Variants in CRTC3 observed in about 807,000 individuals in gnomAD.
CRTC3 encodes CREB regulated transcription coactivator 3, also known as CREB-regulated transcription coactivator 3.
In CRTC3, 26 loss-of-function variants were observed where a neutral mutation model predicts 74.5. That is an observed-to-expected ratio of 0.35 (90% CI 0.26 to 0.48). The LOEUF (loss-of-function observed/expected upper bound fraction) is 0.48, where lower values mean the gene tolerates loss of function less well. Ranked by LOEUF, CRTC3 falls within the 20% of genes least tolerant of loss-of-function variation. The probability of loss-of-function intolerance (pLI) is 0.99; values close to 1 mark genes in which losing one functional copy is unlikely to be tolerated. For synonymous variants in CRTC3, 377 were observed against 325.8 expected (o/e 1.16, Z -1.69); for missense variants, 760 against 787.3 (o/e 0.97, Z 0.41).
chr15:90,642,116 G>C lies in CRTC3; in HGVS notation c.1836G>C (p.Glu612Asp). The C allele has an allele frequency of 1.2e-6, 2 of 1,614,048 alleles. No homozygotes were observed. ...SMGLLDPSVE[E>D]TFRADRL is the part of the protein sequence containing the mutation. Reference sequence around the variant, plus strand: ...GCCTGCTGGACCCCTCTGTTGAAGAGACGTTTCGAGCTGACAGACTGTGAA... The same window carrying C: ...GCCTGCTGGACCCCTCTGTTGAAGACACGTTTCGAGCTGACAGACTGTGAA... Residue 612 changes from glutamate to aspartate, a missense_variant, in exon 15 of 15, where the codon GAG becomes GAC. Coordinates refer to ENST00000268184, the MANE Select transcript of CRTC3 (RefSeq NM_022769.5).
rs193921108 is a variant in CRTC3, at chr15:90,638,566, C to G, written c.1387C>G (p.Arg463Gly). The change falls in exon 12 of 15, where the codon CGC becomes GGC. Residue 463 changes from arginine (R) to glycine (G), a missense_variant. Around this residue, in one of 2 missense-constraint regions of CRTC3, gnomAD observed 652 missense variants for 635.2 expected, o/e 1.03. Transcript: ENST00000268184. ...CACCCAGCCCCTCCTGCAGCAGCCC[C>G]GCGCCCCTGAGGCCCCTGCCCAGCA... ...ELTQPLLQQP[R>G]APEAPAQQPQ... The G allele has an allele frequency of 6.2e-7, 1 of 1,613,144 alleles. No homozygotes were observed. The highest frequency in any genetic ancestry group is 8.5e-7 in the Non-Finnish European group (1 of 1,179,906).
At chr15:90,551,944 GCACA>G (rs5814439) in intron 2 of CRTC3, among the ~76,000 whole-genome samples, 50,525 of 129,186 alleles carry the variant, frequency 0.39, 10,989 homozygotes, top group Non-Finnish European at 0.49. Flanking sequence ...ACACACACAC[GCACA>G]CACACACACA....
chr15:90,627,133 CA>C (rs1037669985), intron 10 of CRTC3, among the ~76,000 whole-genome samples: 1 of 152,236 alleles, frequency 6.6e-6, no homozygotes, highest in Non-Finnish European at 1.5e-5. Context: ...TGGTCCCCTT[CA>C]GGGGGGGTCA....
At chr15:90,570,390 C>A (rs569139476) in intron 2 of CRTC3, among the ~76,000 whole-genome samples, 4 of 152,096 alleles carry the variant, frequency 2.6e-5, no homozygotes, top group African/African-American at 9.7e-5. Flanking sequence ...CTCTCAAATT[C>A]TTGAGTTTCT....
intron 6 of CRTC3, among the ~76,000 whole-genome samples, chr15:90,612,012 C>T (rs548659134): frequency 6.8e-6 from 1 of 147,876 alleles, no homozygotes; most frequent in East Asian, 2.0e-4. Context: ...CTTATCCTTC[C>T]CCAACCACCC....
At chr15:90,549,984 G>A (rs553139585) in intron 2 of CRTC3, among the ~76,000 whole-genome samples, 7 of 151,214 alleles carry the variant, frequency 4.6e-5, no homozygotes, top group East Asian at 2.0e-4. Context: ...GATTACAGGC[G>A]TGAGCCACCA....
At position 90,643,982 on chromosome 15, in the gene CRTC3, T is replaced by C. The variant is rs1044037625; in HGVS notation, c.*1842T>C. The C allele has an allele frequency of 1.7e-5, 4 of 232,200 alleles. No homozygotes were observed. The highest frequency in any genetic ancestry group is 2.6e-5 in the Non-Finnish European group (3 of 117,452). 14.4% of individuals were successfully genotyped at this position (232,200 alleles called of 1,614,324 possible). On this transcript the variant is annotated 3_prime_UTR_variant, in exon 15 of 15. Coordinates refer to ENST00000268184, the MANE Select transcript of CRTC3 (RefSeq NM_022769.5). ...GGCTGGTTAGCCTCTCCCGACCTCA[T>C]TCCATTTCTATCTTCTGACCTTGCC...
intron 1 of CRTC3, chr15:90,539,676 A>G (rs1364505983): frequency 3.8e-6 from 1 of 263,354 alleles, no homozygotes; most frequent in East Asian, 1.5e-4. Context: ...AAAGAGCATG[A>G]AGAAGGGAAA....
chr15:90,561,027 C>G (rs1967000082), intron 2 of CRTC3, among the ~76,000 whole-genome samples: 1 of 152,208 alleles, frequency 6.6e-6, no homozygotes, highest in Admixed American at 6.5e-5. Flanking sequence ...GAGTGGGGAT[C>G]TGGTGACCAC....
intron 6 of CRTC3, among the ~76,000 whole-genome samples, chr15:90,612,078 C>T (rs1968375187): frequency 6.9e-6 from 1 of 144,744 alleles, no homozygotes; most frequent in Non-Finnish European, 1.5e-5. Flanking sequence ...CCTCCTCCTC[C>T]TCCGCCTCCT....
chr15:90,598,933 G>A lies in CRTC3; in HGVS notation c.352-3391G>A, dbSNP rs1028098578. 5 of 177,410 alleles carry A rather than the reference G, an allele frequency of 2.8e-5. 1 individual carries two copies. In the South Asian group the frequency reaches 4.6e-4, roughly 16 times the overall value. 11.0% of individuals were successfully genotyped at this position (177,410 alleles called of 1,614,324 possible). On this transcript the variant is annotated intron_variant, in intron 3 of 14. Transcript: ENST00000268184. ...AAAGCTCCTGTGCCCGGAGGCTCCC[G>A]CCACCCCCTCCACCTGCTCACACTC...
rs536000174 is a variant in CRTC3, at chr15:90,549,953, C to A, written c.231+9816C>A. ...TCCTGACCTCAGGTGATTTGCCCGC[C>A]CTGGCCTCCCAAAGTGCTGGGATTA... On this transcript the variant is annotated intron_variant, in intron 2 of 14. Coordinates refer to ENST00000268184, the MANE Select transcript of CRTC3 (RefSeq NM_022769.5). Among the ~76,000 whole-genome samples the A allele has an allele frequency of 2.6e-5, 4 of 151,032 alleles. No individual in the cohort carries two copies. The South Asian group carries it at 8.3e-4, about 31-fold the overall frequency.
At chr15:90,546,239 G>A (rs1966844094) in intron 2 of CRTC3, among the ~76,000 whole-genome samples, 1 of 152,132 alleles carries the variant, frequency 6.6e-6, no homozygotes. Flanking sequence ...GTTTGGGTTT[G>A]AGGCTCACTC....
intron 2 of CRTC3, among the ~76,000 whole-genome samples, chr15:90,548,737 T>C (rs1280611323): frequency 6.6e-6 from 1 of 152,256 alleles, no homozygotes; most frequent in Non-Finnish European, 1.5e-5. Context: ...TAGATGGTAA[T>C]TGTCATAGCA....
intron 11 of CRTC3, among the ~76,000 whole-genome samples, chr15:90,635,865 C>T (rs1596149364): frequency 1.3e-5 from 2 of 152,030 alleles, no homozygotes; most frequent in Non-Finnish European, 2.9e-5. Context: ...TGAAGGACCT[C>T]TTCAAGGAGA....
Position 90,644,461 on chromosome 15 carries a change from G to GC in CRTC3, c.*2323dup, listed in dbSNP as rs1244818045. 4.3e-6 allele frequency: 1 copy of GC among 231,926 alleles called. No individual in the cohort carries two copies. Among genetic ancestry groups the GC allele is most frequent in the African/African-American group, 2.2e-5 (1 of 45,238 alleles). The allele number at this position is 231,926 out of a possible 1,614,324, so 14.4% of individuals were successfully genotyped here. A position where few individuals can be genotyped will look rare whatever the true frequency, so the allele number is the denominator to read the frequency against. ...CCCAGTTCAGTTTGTCTGCACAGCA[G>GC]CCACCCTGCCTGGCAACAGAGACCC... On this transcript the variant is annotated 3_prime_UTR_variant, in exon 15 of 15. Coordinates refer to ENST00000268184, the MANE Select transcript of CRTC3 (RefSeq NM_022769.5).
Position 90,629,377 on chromosome 15 carries a change from A to G in CRTC3, c.1111A>G (p.Asn371Asp). The change falls in exon 11 of 15, where the codon AAC becomes GAC. Residue 371 changes from asparagine (N) to aspartate (D), a missense_variant. By Grantham distance (23) the Asn-to-Asp change is conservative. Coordinates refer to ENST00000268184, the MANE Select transcript of CRTC3 (RefSeq NM_022769.5). The stretch of plus-strand genomic sequence containing the variant: ...TTCGCTCCGTCTGTTTTCCCTTAGC[A>G]ACCCATCTCTTTCCACCACAAACCT... ...HPSLRLFSLS[N>D]PSLSTTNLSG... The G allele has an allele frequency of 6.2e-7, 1 of 1,613,728 alleles. No individual in the cohort carries two copies. Among genetic ancestry groups the G allele is most frequent in the South Asian group, 1.1e-5 (1 of 91,042 alleles).
chr15:90,641,789 C>T (rs1969453901), intron 14 of CRTC3, 143 bp from the exon 15 acceptor site: 1 of 669,568 alleles, frequency 1.5e-6, no homozygotes, highest in East Asian at 2.6e-5. Flanking sequence ...ATGTAGATTC[C>T]AGGGCAAGAA....
intron 11 of CRTC3, among the ~76,000 whole-genome samples, chr15:90,636,324 T>G (rs1969235047): frequency 6.7e-6 from 1 of 149,164 alleles, no homozygotes; most frequent in Non-Finnish European, 1.5e-5. Context: ...CCCTATTTAA[T>G]AAATGGTGCT....
Sources: gnomAD v4.1 joint callset for allele counts (sites outside exome capture counted in the v4.1 genomes callset) on GRCh38, gnomAD v4.1.1 for gene constraint, gnomAD v4.1.1 regional missense constraint, MANE v1.5 for transcripts, NCBI Gene and HGNC (gene_info 2026-07-23, HGNC 2026-07-21) for gene names.